DPP6: variants seen among roughly 807,000 people sequenced by gnomAD.
DPP6 encodes dipeptidyl peptidase like 6.
In DPP6, 69 loss-of-function variants were observed where a neutral mutation model predicts 122.6. The ratio of observed to expected loss-of-function variants is 0.56; its 90% confidence interval spans 0.46 to 0.69. The LOEUF is 0.69. Ranked by LOEUF, DPP6 falls within the 30% of genes least tolerant of loss-of-function variation. The pLI is 0.00. For missense variants in DPP6, 928 were observed against 1,116.9 expected (o/e 0.83, Z 2.41); for synonymous variants, 418 against 433.1 (o/e 0.97, Z 0.43).
At chr7:154,868,881 C>T (rs1256413208) in intron 18 of DPP6, among the ~76,000 whole-genome samples, 1 of 152,260 alleles carries the variant, frequency 6.6e-6, no homozygotes, top group East Asian at 1.9e-4. Context: ...GACTTCCCCA[C>T]CTCTATGCAT....
At chr7:153,947,719 C>T (rs555371104) in intron 1 of DPP6, among the ~76,000 whole-genome samples, 13 of 152,110 alleles carry the variant, frequency 8.5e-5, no homozygotes, top group Admixed American at 4.6e-4. Flanking sequence ...TGAGGGTGAT[C>T]GGTGGGAACC....
intron 1 of DPP6, among the ~76,000 whole-genome samples, chr7:154,400,883 T>G (rs898870630): frequency 4.6e-5 from 7 of 152,250 alleles, no homozygotes; most frequent in African/African-American, 1.4e-4. Flanking sequence ...TTTGGTGTAG[T>G]GTAAGATGAA....
At chr7:154,174,350 C>T (rs1198833863) in intron 1 of DPP6, among the ~76,000 whole-genome samples, 2 of 152,202 alleles carry the variant, frequency 1.3e-5, no homozygotes, top group African/African-American at 2.4e-5. Context: ...TTAAAAAATG[C>T]ATAGCATAGA....
At chr7:154,497,658 A>G (rs1311375144) in intron 3 of DPP6, among the ~76,000 whole-genome samples, 5 of 151,998 alleles carry the variant, frequency 3.3e-5, no homozygotes, top group African/African-American at 4.8e-5. Context: ...GATAAATTAG[A>G]TCATCATTCA....
At chr7:154,879,572 C>CAG (rs1341891514) in intron 20 of DPP6, among the ~76,000 whole-genome samples, 9 of 130,018 alleles carry the variant, frequency 6.9e-5, no homozygotes, top group South Asian at 2.5e-4. Flanking sequence ...GCCTGGGCGA[C>CAG]AGCGAGACTC....
chr7:154,317,729 T>C (rs192319818), intron 1 of DPP6, among the ~76,000 whole-genome samples: 82 of 152,382 alleles, frequency 5.4e-4, no homozygotes, highest in African/African-American at 1.9e-3. Context: ...TTTATCATTA[T>C]TCTGTAACAT....
rs554127928 is a variant in DPP6, at chr7:154,368,709, C to T, written c.244-77505C>T. Among the ~76,000 whole-genome samples the T allele has an allele frequency of 6.6e-5, 10 of 152,296 alleles. No individual in the cohort carries two copies. The East Asian group carries it at 1.5e-3, about 24-fold the overall frequency. On this transcript the variant is annotated intron_variant, in intron 1 of 25. Coordinates refer to ENST00000377770, the MANE Select transcript of DPP6 (RefSeq NM_130797.4). The stretch of plus-strand genomic sequence containing the variant: ...GCATTCCTACGCATGATGTTAACAT[C>T]GTTCGCAACAGTTGTTGACCAAAGA...
chr7:153,858,266 A>G, the DPP6 span, among the ~76,000 whole-genome samples: 84,911 of 152,022 alleles, frequency 0.56, 24,749 homozygotes, highest in East Asian at 0.73. Context: ...GGAAGGCATG[A>G]CACAGATGAC....
chr7:154,580,003 ACAC>A (rs1831943996), intron 5 of DPP6, among the ~76,000 whole-genome samples: 1 of 152,156 alleles, frequency 6.6e-6, no homozygotes, highest in Admixed American at 6.5e-5. Flanking sequence ...CCATAATCAG[ACAC>A]CACATCTCCC....
chr7:154,636,414 T>C lies in DPP6; in HGVS notation c.628-1407T>C, dbSNP rs192133081. Among the ~76,000 whole-genome samples the C allele has an allele frequency of 9.0e-4, 137 of 152,288 alleles. 1 individual carries two copies. Among genetic ancestry groups the C allele is most frequent in the African/African-American group, 3.1e-3 (130 of 41,564 alleles). On this transcript the variant is annotated intron_variant, in intron 5 of 25. Transcript: ENST00000377770. ...CCTTCTCCTGGGCAAGCAGCACCAC[T>C]CATCCCGGCAGAAATAGAAAAAGGA...
intron 1 of DPP6, among the ~76,000 whole-genome samples, chr7:154,395,514 G>A (rs1178781458): frequency 1.3e-5 from 2 of 152,128 alleles, no homozygotes; most frequent in African/African-American, 4.8e-5. Context: ...TTTTGATGCT[G>A]TTGTAAATGG....
intron 5 of DPP6, among the ~76,000 whole-genome samples, chr7:154,611,741 C>T (rs78360487): frequency 0.012 from 1,851 of 152,270 alleles, 23 homozygotes; most frequent in African/African-American, 0.04. Flanking sequence ...ATCCCATGTA[C>T]TCTTTGCCCA....
upstream of DPP6, among the ~76,000 whole-genome samples, chr7:154,051,976 T>C (rs1322448888): frequency 6.6e-6 from 1 of 151,894 alleles, no homozygotes; most frequent in Non-Finnish European, 1.5e-5. Context: ...CAAGAGGAGC[T>C]GGGGGCGCGG....
chr7:154,540,961 G>T (rs776039090), intron 4 of DPP6, among the ~76,000 whole-genome samples: 7 of 152,144 alleles, frequency 4.6e-5, no homozygotes, highest in Non-Finnish European at 5.9e-5. Context: ...AGGAGAATTT[G>T]CTCAATCCTG....
chr7:154,350,078 C>T (rs2151077438), intron 1 of DPP6, among the ~76,000 whole-genome samples: 1 of 152,210 alleles, frequency 6.6e-6, no homozygotes, highest in Non-Finnish European at 1.5e-5. Context: ...GACAGATGAA[C>T]CGTAGGACAA....
chr7:154,292,232 C>T (rs1805254290), intron 1 of DPP6, among the ~76,000 whole-genome samples: 1 of 152,078 alleles, frequency 6.6e-6, no homozygotes, highest in African/African-American at 2.4e-5. Flanking sequence ...TGCGATTAGG[C>T]AAGGAAAATA....
intron 1 of DPP6, among the ~76,000 whole-genome samples, chr7:154,042,349 C>T (rs2129058271): frequency 6.6e-6 from 1 of 152,204 alleles, no homozygotes; most frequent in East Asian, 1.9e-4. Flanking sequence ...GAAAGGTTGG[C>T]CATACAAGCA....
intron 1 of DPP6, among the ~76,000 whole-genome samples, chr7:154,152,761 A>T (rs1201734365): frequency 6.6e-6 from 1 of 152,098 alleles, no homozygotes; most frequent in East Asian, 1.9e-4. Context: ...AGGATGGGGG[A>T]CTCTGTAGCT....
intron 1 of DPP6, among the ~76,000 whole-genome samples, chr7:153,943,053 C>T (rs556152940): frequency 1.3e-5 from 2 of 152,262 alleles, no homozygotes; most frequent in African/African-American, 4.8e-5. Flanking sequence ...CTTTCCATCC[C>T]CTTTTTGACC....
Sources: gnomAD v4.1 joint callset for allele counts (sites outside exome capture counted in the v4.1 genomes callset) on GRCh38, gnomAD v4.1.1 for gene constraint, MANE v1.5 for transcripts, NCBI Gene and HGNC (gene_info 2026-07-23, HGNC 2026-07-21) for gene names.